The following CNOT10 variants were observed in gnomAD, a reference collection of about 807,000 sequenced individuals.
CNOT10 encodes the protein CCR4-NOT transcription complex subunit 10.
In CNOT10, 30 loss-of-function variants were observed where a neutral mutation model predicts 94.6. The observed-to-expected ratio is 0.32, with a 90% CI of 0.24 to 0.43. The LOEUF is 0.43. Among genes scored for constraint, CNOT10 ranks in the 20% least tolerant of loss-of-function variants. The pLI is 1.00. For synonymous variants in CNOT10, 289 were observed against 301.6 expected (o/e 0.96, Z 0.43); for missense variants, 759 against 877.2 (o/e 0.87, Z 1.70).
chr3:32,737,550 C>A, intron 13 of CNOT10, 60 bp downstream of exon 13: 1 of 1,095,108 alleles, frequency 9.1e-7, no homozygotes, highest in Non-Finnish European at 1.4e-6. Context: ...CATGGCTGGG[C>A]ACAGTGGCTC....
intron 10 of CNOT10, among the ~76,000 whole-genome samples, chr3:32,728,546 G>A (rs1434459792): frequency 6.6e-6 from 1 of 152,018 alleles, no homozygotes; most frequent in Non-Finnish European, 1.5e-5. Context: ...CTGGGAGGTG[G>A]AGGTTGGAGT....
intron 8 of CNOT10, 73 bp downstream of exon 8, chr3:32,720,304 A>G (rs958443886): frequency 2.1e-5 from 13 of 632,428 alleles, no homozygotes; most frequent in African/African-American, 3.6e-5. Flanking sequence ...TCCACCTCCC[A>G]ACACCCAGTC....
rs192770975 is a variant in CNOT10, at chr3:32,737,875, T to C, written c.1595+385T>C. On this transcript the variant is annotated intron_variant, in intron 13 of 18. Transcript: ENST00000328834. ...AATATGATGAATTACACTGATCAAA[T>C]GTTAAACCAATCTTTCAATCTTGTG... 2.5e-3 allele frequency among the ~76,000 whole-genome samples: 388 copies of C among 152,320 alleles called. 1 individual carries two copies. The highest frequency in any genetic ancestry group is 9.0e-3 in the African/African-American group (374 of 41,586).
intron 13 of CNOT10, among the ~76,000 whole-genome samples, chr3:32,739,107 T>G (rs922396617): frequency 6.6e-6 from 1 of 152,046 alleles, no homozygotes; most frequent in Non-Finnish European, 1.5e-5. Flanking sequence ...GGTTTTACCA[T>G]GTTAGCCAGG....
At chr3:32,715,088 T>C (rs1343287700) in intron 5 of CNOT10, among the ~76,000 whole-genome samples, 1 of 152,228 alleles carries the variant, frequency 6.6e-6, no homozygotes, top group Non-Finnish European at 1.5e-5. Context: ...ATAATTTAAT[T>C]TAGCAGATGC....
intron 8 of CNOT10, among the ~76,000 whole-genome samples, chr3:32,724,038 C>A (rs1395109901): frequency 6.6e-6 from 1 of 152,060 alleles, no homozygotes; most frequent in African/African-American, 2.4e-5. Context: ...CCTAATTATG[C>A]CACTGCACTG....
chr3:32,746,280 GGGTTGCAGGGGAGGT>G (rs1275582156), intron 13 of CNOT10, among the ~76,000 whole-genome samples: 2 of 152,148 alleles, frequency 1.3e-5, no homozygotes, highest in Non-Finnish European at 2.9e-5. Flanking sequence ...TCTGTGGACA[GGGTTGCAGGGGAGGT>G]GGTTTCAGGA....
chr3:32,697,539 C>T (rs1292062247), intron 1 of CNOT10, among the ~76,000 whole-genome samples: 2 of 152,118 alleles, frequency 1.3e-5, no homozygotes, highest in Admixed American at 6.6e-5. Context: ...GGCATGGTCA[C>T]GGCTCACTGC....
In CNOT10 at chr3:32,731,489, T is replaced by G. The variant is rs138711107; in HGVS notation, c.1216-1934T>G. On this transcript the variant is annotated intron_variant, in intron 10 of 18. Coordinates refer to ENST00000328834, the MANE Select transcript of CNOT10 (RefSeq NM_015442.3). Reference sequence around the variant, plus strand: ...TAGAGACTTGTTTTATTTTATTTTATTTTTGAGACAGAGTCTCACTCTTCA... The same window carrying G: ...TAGAGACTTGTTTTATTTTATTTTAGTTTTGAGACAGAGTCTCACTCTTCA... Among the ~76,000 whole-genome samples the G allele has an allele frequency of 4.0e-3, 615 of 152,282 alleles. 3 individuals carry two copies. The highest frequency in any genetic ancestry group is 0.017 in the Middle Eastern group (5 of 294).
intron 12 of CNOT10, among the ~76,000 whole-genome samples, chr3:32,735,883 A>T (rs1371177546): frequency 6.6e-6 from 1 of 152,100 alleles, no homozygotes; most frequent in Non-Finnish European, 1.5e-5. Flanking sequence ...AGGGTGCTGG[A>T]GGAGGCCAAG....
chr3:32,698,681 T>A (rs1163038085), intron 1 of CNOT10, among the ~76,000 whole-genome samples: 1 of 152,218 alleles, frequency 6.6e-6, no homozygotes, highest in Non-Finnish European at 1.5e-5. Context: ...CTCTTTTAAT[T>A]ATGTCATATT....
chr3:32,768,706 G>A (rs1476854595), intron 17 of CNOT10, among the ~76,000 whole-genome samples: 1 of 152,158 alleles, frequency 6.6e-6, no homozygotes, highest in Non-Finnish European at 1.5e-5. Flanking sequence ...CAGTGTTGTG[G>A]CGAGAGGAAT....
intron 14 of CNOT10, among the ~76,000 whole-genome samples, chr3:32,760,214 C>A (rs938111961): frequency 3.9e-5 from 6 of 151,916 alleles, no homozygotes; most frequent in Non-Finnish European, 7.4e-5. Flanking sequence ...TTTGAAAAAT[C>A]TTTCCAAGCT....
In CNOT10 at chr3:32,753,331, T is replaced by A. The variant is rs1261064545; in HGVS notation, c.1596-6127T>A. The A allele has an allele frequency of 5.3e-6, 6 of 1,134,794 alleles. No individual in the cohort carries two copies. In the African/African-American group the frequency reaches 9.2e-5, roughly 17 times the overall value. The allele number at this position is 1,134,794 out of a possible 1,614,324, so 70.3% of individuals were successfully genotyped here. ...GGACTCATCAGTCAAAAATCAGGTATGACTGGTATCAAACAGAATCGCAAG... is the reference window on the plus strand; with the variant it reads ...GGACTCATCAGTCAAAAATCAGGTAAGACTGGTATCAAACAGAATCGCAAG... On this transcript the variant is annotated intron_variant, in intron 13 of 18. Transcript: ENST00000328834.
rs143936478 is a variant in CNOT10 at position 32,712,618 on chromosome 3, G to A, written c.431-609G>A. Among the ~76,000 whole-genome samples the A allele has an allele frequency of 1.4e-4, 22 of 152,178 alleles. No individual in the cohort carries two copies. The East Asian group carries it at 4.2e-3, about 29-fold the overall frequency. On this transcript the variant is annotated intron_variant, in intron 4 of 18. Transcript: ENST00000328834. ...TCCTATCCTTTGTGAGGCCAAAGTG[G>A]GTGGATCACTTGAGCTCAGGAGCTT...
At chr3:32,732,614 A>G (rs943478833) in intron 10 of CNOT10, among the ~76,000 whole-genome samples, 1 of 151,712 alleles carries the variant, frequency 6.6e-6, no homozygotes, top group African/African-American at 2.4e-5. Flanking sequence ...AGGAAAAAAA[A>G]AAAGGTAGAT....
intron 1 of CNOT10, among the ~76,000 whole-genome samples, chr3:32,689,432 G>A (rs1696763338): frequency 6.6e-6 from 1 of 152,068 alleles, no homozygotes; most frequent in Non-Finnish European, 1.5e-5. Flanking sequence ...TTAGAGAAGG[G>A]CTTTCTTAGA....
intron 5 of CNOT10, among the ~76,000 whole-genome samples, chr3:32,715,458 A>G (rs1698078191): frequency 6.6e-6 from 1 of 152,160 alleles, no homozygotes; most frequent in East Asian, 1.9e-4. Flanking sequence ...GCAGTGGGAG[A>G]TGATGTTGGC....
intron 1 of CNOT10, among the ~76,000 whole-genome samples, chr3:32,698,828 C>G (rs1697198359): frequency 6.6e-6 from 1 of 152,160 alleles, no homozygotes; most frequent in Admixed American, 6.5e-5. Flanking sequence ...CTCTGCTGCC[C>G]AGGCTGGAGT....
Sources: gnomAD v4.1 joint callset for allele counts (sites outside exome capture counted in the v4.1 genomes callset) on GRCh38, gnomAD v4.1.1 for gene constraint, MANE v1.5 for transcripts, NCBI Gene and HGNC (gene_info 2026-07-23, HGNC 2026-07-21) for gene names.